Variants in SBF2 observed in about 807,000 individuals in gnomAD.
The protein encoded by SBF2 is SET binding factor 2, also known as myotubularin-related protein 13.
A neutral mutation model predicts 225.2 loss-of-function variants in SBF2; 112 were observed. That is an observed-to-expected ratio of 0.50 (90% confidence interval 0.43 to 0.58). The LOEUF is 0.58. Ranked by LOEUF, SBF2 falls within the 20% of genes least tolerant of loss-of-function variation. The pLI, the probability that SBF2 is intolerant of heterozygous loss-of-function variation, is 0.00. For missense variants in SBF2, 1,996 were observed against 2,206.2 expected, an observed-to-expected ratio of 0.90 and a Z score of 1.91; for synonymous variants, 763 against 773.3, an observed-to-expected ratio of 0.99 and a Z score of 0.22.
chr11:9,846,884 C>A (rs556005515), intron 23 of SBF2, 72 bp downstream of exon 23: 1 of 1,545,664 alleles, frequency 6.5e-7, no homozygotes, highest in African/African-American at 1.4e-5. Context: ...CATGACCACA[C>A]AAAATGGCCA....
chr11:10,120,508 G>T (rs1953386901), intron 2 of SBF2, among the ~76,000 whole-genome samples: 1 of 152,104 alleles, frequency 6.6e-6, no homozygotes, highest in South Asian at 2.1e-4. Context: ...ATTTTTTAAG[G>T]ACCCTTCATA....
At position 9,874,867 on chromosome 11, in the gene SBF2, C is replaced by G. The variant is rs184305271; in HGVS notation, c.1930-16471G>C. On this transcript the variant is annotated intron_variant, in intron 17 of 39. Transcript: ENST00000256190. ...ATCTGCTAAAAGTAGACTAACCTAT[C>G]AACCTTGAAGAGCCAATAGTACAAA... is the stretch of plus-strand genomic sequence containing the variant. Among the ~76,000 whole-genome samples, 285 of 152,316 alleles carry G rather than the reference C, an allele frequency of 1.9e-3. 1 individual carries two copies. The highest frequency in any genetic ancestry group is 3.4e-3 in the Middle Eastern group (1 of 294).
At chr11:10,231,918 G>GAGGC (rs1341081149) in intron 1 of SBF2, among the ~76,000 whole-genome samples, 4 of 152,256 alleles carry the variant, frequency 2.6e-5, no homozygotes, top group Admixed American at 2.6e-4. Flanking sequence ...GGAGCCTACA[G>GAGGC]AGGCAGGCAG....
intron 5 of SBF2, among the ~76,000 whole-genome samples, chr11:10,029,052 T>C (rs1450673743): frequency 6.6e-6 from 1 of 152,078 alleles, no homozygotes; most frequent in Non-Finnish European, 1.5e-5. Flanking sequence ...GAAATGCCAA[T>C]CCCACTATAA....
chr11:10,116,353 T>A (rs998260999), intron 2 of SBF2, among the ~76,000 whole-genome samples: 1 of 152,170 alleles, frequency 6.6e-6, no homozygotes, highest in African/African-American at 2.4e-5. Flanking sequence ...TAAAGTTGAC[T>A]GTCATATACC....
At chr11:9,803,466 A>G (rs948559807) in intron 32 of SBF2, among the ~76,000 whole-genome samples, 1 of 151,048 alleles carries the variant, frequency 6.6e-6, no homozygotes, top group African/African-American at 2.4e-5. Flanking sequence ...GACCTCTCCC[A>G]CTCCTCCCCC....
At chr11:10,196,580 C>T (rs1957362563) in intron 1 of SBF2, among the ~76,000 whole-genome samples, 1 of 151,714 alleles carries the variant, frequency 6.6e-6, no homozygotes, top group Non-Finnish European at 1.5e-5. Flanking sequence ...GGTTTCGCCA[C>T]ATTGCCCAAG....
At chr11:10,290,509 C>G (rs1319076884) in intron 1 of SBF2, among the ~76,000 whole-genome samples, 1 of 151,998 alleles carries the variant, frequency 6.6e-6, no homozygotes, top group African/African-American at 2.4e-5. Context: ...TGGAAGCATG[C>G]TGGTATGGAC....
chr11:10,299,857 A>G (rs371047848), intron 1 of SBF2, among the ~76,000 whole-genome samples: 15 of 152,352 alleles, frequency 9.8e-5, no homozygotes, highest in African/African-American at 3.4e-4. Flanking sequence ...AAATAAATGT[A>G]TATCAGATCA....
chr11:9,845,926 A>G (rs570691244), intron 23 of SBF2, among the ~76,000 whole-genome samples, 186 bp from the exon 24 acceptor site: 1 of 152,350 alleles, frequency 6.6e-6, no homozygotes, highest in South Asian at 2.1e-4. Flanking sequence ...CTTGCCATAA[A>G]TGGCTAGTTG....
In SBF2 at chr11:9,881,737, TC is replaced by T. The variant is rs560048250; in HGVS notation, c.1929+14205del. On this transcript the variant is annotated intron_variant, in intron 17 of 39. Coordinates refer to ENST00000256190, the MANE Select transcript of SBF2 (RefSeq NM_030962.4). Reference sequence around the variant, plus strand: ...AGTAGAGTCTCTACAACACTCCCCATCCCCCCCCAATTAAACAAATAAAGTT... The same window carrying T: ...AGTAGAGTCTCTACAACACTCCCCATCCCCCCCAATTAAACAAATAAAGTT... 8.2e-5 allele frequency among the ~76,000 whole-genome samples: 12 copies of T among 146,252 alleles called. No homozygotes were observed. The South Asian group carries it at 8.7e-4, about 11-fold the overall frequency.
chr11:9,927,377 A>G (rs922208703), intron 16 of SBF2, among the ~76,000 whole-genome samples: 4 of 152,160 alleles, frequency 2.6e-5, no homozygotes, highest in Admixed American at 2.0e-4. Flanking sequence ...GCACTTCCCA[A>G]CTGATTTTAT....
At chr11:10,142,497 T>C (rs1205596050) in intron 2 of SBF2, among the ~76,000 whole-genome samples, 1 of 152,198 alleles carries the variant, frequency 6.6e-6, no homozygotes, top group Non-Finnish European at 1.5e-5. Context: ...TCCTTCTCTC[T>C]ACTCAAATTC....
At chr11:10,247,817 A>G (rs911510102) in intron 1 of SBF2, among the ~76,000 whole-genome samples, 14 of 152,310 alleles carry the variant, frequency 9.2e-5, no homozygotes, top group Middle Eastern at 6.8e-3. Flanking sequence ...CTATCCACAG[A>G]AGAAAACACC....
intron 8 of SBF2, among the ~76,000 whole-genome samples, chr11:9,999,441 C>A (rs1440696676): frequency 6.6e-6 from 1 of 152,128 alleles, no homozygotes; most frequent in Admixed American, 6.5e-5. Flanking sequence ...CTGCCTCACC[C>A]TCCTGAGTAG....
chr11:9,825,187 G>A (rs1349636876), intron 28 of SBF2, among the ~76,000 whole-genome samples: 2 of 152,010 alleles, frequency 1.3e-5, no homozygotes. Context: ...CAATATGACT[G>A]GTGTACTTAT....
intron 1 of SBF2, among the ~76,000 whole-genome samples, chr11:10,204,281 A>C (rs1026474587): frequency 4.6e-5 from 7 of 151,644 alleles, no homozygotes; most frequent in Middle Eastern, 3.2e-3. Flanking sequence ...TTATACCCAG[A>C]GAAAATATCC....
intron 9 of SBF2, among the ~76,000 whole-genome samples, chr11:9,994,577 C>CATATATATAT (rs377348270): frequency 0.063 from 8,380 of 133,908 alleles, 455 homozygotes; most frequent in Non-Finnish European, 0.088. Flanking sequence ...TATATATGTA[C>CATATATATAT]ATATATATAT....
chr11:9,988,198 T>C (rs1255031009), intron 13 of SBF2, among the ~76,000 whole-genome samples: 1 of 152,148 alleles, frequency 6.6e-6, no homozygotes, highest in Non-Finnish European at 1.5e-5. Flanking sequence ...GCTGGGATAA[T>C]TGGTTAGCCA....
Sources: allele counts gnomAD v4.1 joint callset (sites outside exome capture counted in the v4.1 genomes callset), GRCh38; gene constraint gnomAD v4.1.1; transcripts MANE v1.5; gene names NCBI Gene and HGNC (gene_info 2026-07-23, HGNC 2026-07-21).